SBF2: variants seen among roughly 807,000 people sequenced by gnomAD.
SBF2 encodes myotubularin-related protein 13.
Under a neutral mutation model 225.2 loss-of-function variants are expected in SBF2, and 112 were observed. The ratio of observed to expected loss-of-function variants is 0.50; its 90% CI spans 0.43 to 0.58. The LOEUF is 0.58. Among genes scored for constraint, SBF2 ranks in the 20% least tolerant of loss-of-function variants. The pLI is 0.00. For synonymous variants in SBF2, 763 were observed against 773.3 expected, an observed-to-expected ratio of 0.99 and a Z score of 0.22; for missense variants, 1,996 against 2,206.2, an observed-to-expected ratio of 0.90 and a Z score of 1.91.
At chr11:10,211,270 C>A (rs1283348893) in intron 1 of SBF2, among the ~76,000 whole-genome samples, 1 of 152,116 alleles carries the variant, frequency 6.6e-6, no homozygotes, top group Non-Finnish European at 1.5e-5. Context: ...CTGTCAGAGC[C>A]TGCCACAAAT....
chr11:10,187,443 T>C (rs564013749), intron 2 of SBF2, among the ~76,000 whole-genome samples: 6 of 152,278 alleles, frequency 3.9e-5, no homozygotes, highest in Non-Finnish European at 4.4e-5. Context: ...AACTGCCTAG[T>C]AGATAACTGC....
intron 16 of SBF2, among the ~76,000 whole-genome samples, chr11:9,923,274 C>G (rs538152036): frequency 6.6e-6 from 1 of 151,962 alleles, no homozygotes; most frequent in East Asian, 1.9e-4. Context: ...AAGTGACGAG[C>G]AACTAAACCT....
At chr11:10,102,934 T>C (rs969691103) in intron 2 of SBF2, among the ~76,000 whole-genome samples, 4 of 152,176 alleles carry the variant, frequency 2.6e-5, no homozygotes, top group African/African-American at 9.6e-5. Flanking sequence ...GATGCACTAA[T>C]AAAAACATAA....
chr11:10,304,139 T>A (rs1009113072), intron 1 of SBF2, among the ~76,000 whole-genome samples: 1 of 152,192 alleles, frequency 6.6e-6, no homozygotes, highest in African/African-American at 2.4e-5. Flanking sequence ...AATGTTACCT[T>A]CCTTGCCTGA....
chr11:10,295,906 A>T (rs1021508578), upstream of SBF2, among the ~76,000 whole-genome samples: 15 of 152,220 alleles, frequency 9.9e-5, no homozygotes, highest in Non-Finnish European at 2.1e-4. Context: ...ACATATTGTA[A>T]AATTAGCCAC....
At chr11:10,117,914 T>C (rs1953234729) in intron 2 of SBF2, among the ~76,000 whole-genome samples, 1 of 152,170 alleles carries the variant, frequency 6.6e-6, no homozygotes, top group Non-Finnish European at 1.5e-5. Flanking sequence ...TGGTCAAAAG[T>C]TCTTTCTCTG....
rs777001436 is a variant in SBF2, at chr11:9,816,884, G to A, written c.3934C>T (p.Arg1312Trp). ...SSYLQNQLLK[R>W]QAALYIFGEK... ...CCAAATATGTAAAGGGCTGCTTGCC[G>A]TTTCAAGAGCTGGTTTTGTAGGTAG... is the stretch of plus-strand genomic sequence containing the variant. The change falls in exon 29 of 40, where the codon CGG (arginine) becomes TGG (tryptophan). Residue 1312 changes from arginine to tryptophan, a missense_variant. Arg to Trp is a moderately radical substitution (Grantham distance 101). Transcript: ENST00000256190. 9.3e-6 allele frequency: 15 copies of A among 1,614,062 alleles called. 1 individual carries two copies. The highest frequency in any genetic ancestry group is 4.4e-5 in the South Asian group (4 of 91,092).
chr11:10,091,797 CACA>C (rs1045290072), intron 2 of SBF2, among the ~76,000 whole-genome samples: 2 of 152,208 alleles, frequency 1.3e-5, no homozygotes, highest in Admixed American at 1.3e-4. Flanking sequence ...TGGTTTCCTG[CACA>C]AGGAGATAAA....
intron 16 of SBF2, among the ~76,000 whole-genome samples, chr11:9,935,010 G>C (rs1157787277): frequency 6.6e-6 from 1 of 152,248 alleles, no homozygotes; most frequent in East Asian, 1.9e-4. Flanking sequence ...AAGAGGAAGT[G>C]AAATTGTCCC....
chr11:10,164,964 C>T (rs752453381), intron 2 of SBF2: 1 of 152,212 alleles, frequency 6.6e-6, no homozygotes, highest in Non-Finnish European at 1.5e-5. Flanking sequence ...ACCAGATAGT[C>T]ATCCAAAACC....
chr11:10,058,119 T>G (rs182407616), intron 2 of SBF2, among the ~76,000 whole-genome samples: 287 of 152,288 alleles, frequency 1.9e-3, no homozygotes, highest in South Asian at 4.6e-3. Context: ...TCATATGTCC[T>G]CCAAATGACT....
intron 2 of SBF2, among the ~76,000 whole-genome samples, chr11:10,169,253 T>C (rs1012086470): frequency 2.0e-5 from 3 of 152,170 alleles, no homozygotes. Context: ...CCTGTTGTGC[T>C]ATAAAACACT....
intron 16 of SBF2, among the ~76,000 whole-genome samples, chr11:9,915,335 T>C (rs1170773493): frequency 1.3e-5 from 2 of 150,940 alleles, no homozygotes; most frequent in Admixed American, 6.6e-5. Context: ...TAGTCCCAGA[T>C]ACTTGGGAGG....
At chr11:10,029,424 T>C (rs984225948) in intron 5 of SBF2, among the ~76,000 whole-genome samples, 1 of 152,200 alleles carries the variant, frequency 6.6e-6, no homozygotes, top group African/African-American at 2.4e-5. Context: ...GATGTAACTA[T>C]ATACAGGAGT....
intron 1 of SBF2, among the ~76,000 whole-genome samples, chr11:10,215,758 T>G (rs1420053534): frequency 6.6e-6 from 1 of 152,250 alleles, no homozygotes; most frequent in Non-Finnish European, 1.5e-5. Context: ...CTGACTTTAC[T>G]TGTTGTGCAC....
At chr11:9,875,263 T>C (rs772084125) in intron 17 of SBF2, among the ~76,000 whole-genome samples, 2 of 152,200 alleles carry the variant, frequency 1.3e-5, no homozygotes, top group African/African-American at 2.4e-5. Context: ...GATCCAGTGC[T>C]AAGAATAAAT....
intron 1 of SBF2, among the ~76,000 whole-genome samples, chr11:10,246,596 T>C (rs1325829550): frequency 6.6e-6 from 1 of 152,204 alleles, no homozygotes; most frequent in Non-Finnish European, 1.5e-5. Flanking sequence ...ATGCACAGGT[T>C]TCTGTCAATA....
At chr11:10,089,192 C>T (rs1266359061) in intron 2 of SBF2, among the ~76,000 whole-genome samples, 1 of 152,180 alleles carries the variant, frequency 6.6e-6, no homozygotes, top group Non-Finnish European at 1.5e-5. Context: ...ATTTCTCATC[C>T]TTTAAACCCC....
chr11:9,940,689 C>G (rs1008312838), intron 16 of SBF2, among the ~76,000 whole-genome samples: 2 of 151,876 alleles, frequency 1.3e-5, no homozygotes, highest in Admixed American at 6.6e-5. Context: ...TTGGTTTGGC[C>G]CAGGGGGCAC....
Sources: gnomAD v4.1 joint callset for allele counts (sites outside exome capture counted in the v4.1 genomes callset) on GRCh38, gnomAD v4.1.1 for gene constraint, MANE v1.5 for transcripts, NCBI Gene and HGNC (gene_info 2026-07-23, HGNC 2026-07-21) for gene names.